CLTCL1: variants seen among roughly 807,000 people sequenced by gnomAD.
The protein encoded by CLTCL1 is clathrin heavy chain like 1, also known as clathrin heavy chain 2.
In CLTCL1, 159 loss-of-function variants were observed where a neutral mutation model predicts 190.0. The observed-to-expected ratio is 0.84, with a 90% CI of 0.74 to 0.95. The LOEUF (loss-of-function observed/expected upper bound fraction) is 0.95, where lower values mean the gene tolerates loss of function less well. CLTCL1 is among the 40% of genes least tolerant of loss of function. CLTCL1 has a pLI of 0.00. For missense variants in CLTCL1, 1,878 were observed against 2,033.4 expected (o/e 0.92, Z 1.47); for synonymous variants, 752 against 769.6 (o/e 0.98, Z 0.38).
At chr22:19,188,613 T>C (rs1469159696) in intron 27 of CLTCL1, among the ~76,000 whole-genome samples, 2 of 148,284 alleles carry the variant, frequency 1.3e-5, no homozygotes, top group African/African-American at 2.5e-5. Context: ...AATTTCTTTT[T>C]CTTTTTTTTT....
intron 3 of CLTCL1, among the ~76,000 whole-genome samples, chr22:19,247,903 T>C (rs1291044682): frequency 6.6e-6 from 1 of 152,104 alleles, no homozygotes; most frequent in Non-Finnish European, 1.5e-5. Context: ...ATAATTCACA[T>C]ACCATAGAAC....
chr22:19,244,235 T>C (rs1188305698), intron 3 of CLTCL1, among the ~76,000 whole-genome samples: 11 of 152,186 alleles, frequency 7.2e-5, no homozygotes, highest in African/African-American at 2.7e-4. Flanking sequence ...TTTAAAAATA[T>C]TTTCTATTGC....
At chr22:19,203,383 T>C (rs1366267950) in intron 22 of CLTCL1, among the ~76,000 whole-genome samples, 3 of 152,182 alleles carry the variant, frequency 2.0e-5, no homozygotes, top group African/African-American at 7.2e-5. Flanking sequence ...TGTCAGCCTG[T>C]TTCCATGCTT....
rs142217603 is a variant in CLTCL1, at chr22:19,238,902, G to T, written c.795+373C>A. Among the ~76,000 whole-genome samples the T allele has an allele frequency of 5.9e-5, 9 of 152,264 alleles. No homozygotes were observed. In the East Asian group the frequency reaches 1.5e-3, roughly 26 times the overall value. ...CAGAACGTGCAGTTTTGTTACACAG[G>T]TATACACGTGCCCTGGTGGTTTGTT... On this transcript the variant is annotated intron_variant, in intron 5 of 32. Coordinates refer to ENST00000427926, the MANE Select transcript of CLTCL1 (RefSeq NM_007098.4).
chr22:19,230,840 G>A (rs1204985666), intron 10 of CLTCL1, among the ~76,000 whole-genome samples: 1 of 152,176 alleles, frequency 6.6e-6, no homozygotes, highest in Non-Finnish European at 1.5e-5. Context: ...ATTCCCAGAG[G>A]AGACTGGCAT....
At chr22:19,239,545 T>C (rs1555964178) in intron 4 of CLTCL1, among the ~76,000 whole-genome samples, 157 bp from the exon 5 acceptor site, 1 of 152,076 alleles carries the variant, frequency 6.6e-6, no homozygotes, top group Non-Finnish European at 1.5e-5. Context: ...CTTGTCGGAG[T>C]GCCTGTGATT....
At chr22:19,180,319 AC>A (rs1325548307) in intron 31 of CLTCL1, 81 bp from the exon 32 acceptor site, 20 of 1,418,182 alleles carry the variant, frequency 1.4e-5, no homozygotes, top group Non-Finnish European at 1.9e-5. Context: ...CTGCACACTC[AC>A]ACCACACCCT....
At chr22:19,291,334 G>C (rs1020266531) in intron 1 of CLTCL1, among the ~76,000 whole-genome samples, 6 of 152,144 alleles carry the variant, frequency 3.9e-5, no homozygotes, top group Non-Finnish European at 8.8e-5. Context: ...CACTGAGCGG[G>C]GCGTCCCAGG....
intron 10 of CLTCL1, among the ~76,000 whole-genome samples, chr22:19,231,278 C>T (rs2085912428): frequency 6.6e-6 from 1 of 152,206 alleles, no homozygotes; most frequent in African/African-American, 2.4e-5. Context: ...TAGGCTGAAG[C>T]AGTGACAAGG....
intron 4 of CLTCL1, among the ~76,000 whole-genome samples, chr22:19,241,176 C>T (rs2086242376): frequency 6.6e-6 from 1 of 152,196 alleles, no homozygotes; most frequent in South Asian, 2.1e-4. Context: ...AGGGGCATGC[C>T]CACCAGAAAG....
chr22:19,221,700 A>G, intron 16 of CLTCL1, 89 bp from the exon 17 acceptor site: 1 of 1,218,998 alleles, frequency 8.2e-7, no homozygotes, highest in Non-Finnish European at 1.1e-6. Flanking sequence ...TGTTTCCTGA[A>G]ACAAAAAATC....
At chr22:19,213,943 T>C (rs1369238669) in intron 19 of CLTCL1, among the ~76,000 whole-genome samples, 2 of 152,202 alleles carry the variant, frequency 1.3e-5, no homozygotes, top group African/African-American at 4.8e-5. Context: ...GTATGGTGGT[T>C]TTATAAAAAA....
In CLTCL1 at chr22:19,208,141, G is replaced by A. The variant is rs2085108472; in HGVS notation, c.3600+13C>T. On this transcript the variant is annotated intron_variant, in intron 22 of 32. Transcript: ENST00000427926. ...TGACTGGCAGTGCACAGCCCCCAGG[G>A]GGCATGGCCTACCTGCTGGATGTGG... 2 of 1,613,762 alleles carry A rather than the reference G, an allele frequency of 1.2e-6. No individual in the cohort carries two copies. The highest frequency in any genetic ancestry group is 1.7e-5 in the Admixed American group (1 of 60,018).
chr22:19,192,410 A>G (rs1383205401), intron 26 of CLTCL1, among the ~76,000 whole-genome samples: 1 of 152,154 alleles, frequency 6.6e-6, no homozygotes. Context: ...ATCGATGTCC[A>G]GGGCCTGGAC....
chr22:19,239,276 T>C lies in CLTCL1; in HGVS notation c.794A>G (p.Gln265Arg). Residue 265 changes from glutamine to arginine, a missense_variant and splice_region_variant, in exon 5 of 33, where the codon CAG becomes CGG. Transcript: ENST00000427926. ...EAQNDFPVAM[Q>R]IGAKHGVIYL... The stretch of plus-strand genomic sequence containing the variant: ...GTTTAGAGAGCAGCACATTCGTACC[T>C]GCATAGCCACTGGAAAATCATTCTG... 6.2e-7 allele frequency: 1 copy of C among 1,608,710 alleles called. No homozygotes were observed. Among genetic ancestry groups the C allele is most frequent in the Non-Finnish European group, 8.5e-7 (1 of 1,174,994 alleles).
At chr22:19,256,638 G>A (rs2518865) in intron 2 of CLTCL1, among the ~76,000 whole-genome samples, 9,338 of 151,188 alleles carry the variant, frequency 0.062, 347 homozygotes, top group Middle Eastern at 0.16. Context: ...GATTATAGGC[G>A]CGAGCCACCA....
chr22:19,279,141 T>C (rs1410807586), intron 1 of CLTCL1, among the ~76,000 whole-genome samples: 1 of 152,066 alleles, frequency 6.6e-6, no homozygotes, highest in African/African-American at 2.4e-5. Flanking sequence ...TATTTATGTA[T>C]TTATTTATTT....
intron 30 of CLTCL1, 35 bp downstream of exon 30, chr22:19,183,355 A>G: frequency 6.3e-7 from 1 of 1,583,200 alleles, no homozygotes; most frequent in Non-Finnish European, 8.6e-7. Context: ...CATGCCACAC[A>G]GGGGCCGGGG....
Position 19,222,065 on chromosome 22 carries a change from A to T in CLTCL1, c.2447T>A (p.Ile816Asn), listed in dbSNP as rs182436482. Residue 816 changes from isoleucine to asparagine, a missense_variant, in exon 16 of 33, where the codon ATT (isoleucine) becomes AAT (asparagine). By Grantham distance (149) the Ile-to-Asn change is moderately radical. Transcript: ENST00000427926. Reference protein sequence around the residue: ...KVNPSRTPAVIGGLLDVDCSE... With the variant: ...KVNPSRTPAVNGGLLDVDCSE... ...ACAATCCACATCAAGCAGCCCTCCA[A>T]TCACAGCTGGGGTCCGGCTAGGGTT... 27 of 1,613,972 alleles carry T rather than the reference A, an allele frequency of 1.7e-5. No individual in the cohort carries two copies. The East Asian group carries it at 5.3e-4, about 32-fold the overall frequency.
Sources: gnomAD v4.1 joint callset for allele counts (sites outside exome capture counted in the v4.1 genomes callset) on GRCh38, gnomAD v4.1.1 for gene constraint, MANE v1.5 for transcripts, NCBI Gene and HGNC (gene_info 2026-07-23, HGNC 2026-07-21) for gene names.